Variants in CALCR observed in about 807,000 individuals in gnomAD.
The protein encoded by CALCR is calcitonin receptor.
CALCR carries 47 observed loss-of-function variants against 59.5 expected under a neutral mutation model. The observed-to-expected ratio is 0.79, with a 90% CI of 0.63 to 1.01. The LOEUF is 1.01. CALCR is among the 50% of genes least tolerant of loss of function. The probability of loss-of-function intolerance (pLI) is 0.00; values close to 1 mark genes in which losing one functional copy is unlikely to be tolerated. For synonymous variants in CALCR, 213 were observed against 211.3 expected (o/e 1.01, Z -0.07); for missense variants, 566 against 597.1 (o/e 0.95, Z 0.54).
intron 2 of CALCR, among the ~76,000 whole-genome samples, chr7:93,518,206 A>G (rs74381174): frequency 0.027 from 4,134 of 151,778 alleles, 207 homozygotes; most frequent in African/African-American, 0.095. Context: ...ATTTATTTAC[A>G]AGACCACACA....
At chr7:93,560,856 A>G (rs188723913) in intron 2 of CALCR, among the ~76,000 whole-genome samples, 1 of 152,256 alleles carries the variant, frequency 6.6e-6, no homozygotes, top group East Asian at 1.9e-4. Flanking sequence ...TCAAGCTCCA[A>G]CTTCATCACT....
chr7:93,568,852 A>G (rs564066506), intron 2 of CALCR, among the ~76,000 whole-genome samples: 10 of 152,184 alleles, frequency 6.6e-5, no homozygotes, highest in Admixed American at 3.9e-4. Flanking sequence ...TCTACTTAAC[A>G]TCATCACATG....
At chr7:93,537,100 T>C (rs954823114) in intron 2 of CALCR, among the ~76,000 whole-genome samples, 1 of 151,762 alleles carries the variant, frequency 6.6e-6, no homozygotes. Context: ...CTTGAAATTC[T>C]ATGAAAACAA....
intron 2 of CALCR, among the ~76,000 whole-genome samples, chr7:93,516,572 C>A (rs761279217): frequency 6.6e-5 from 10 of 151,612 alleles, no homozygotes; most frequent in Non-Finnish European, 1.5e-4. Context: ...TAAACATATC[C>A]TAGAATAAAA....
At chr7:93,495,777 T>G in intron 2 of CALCR, 1 of 827,572 alleles carries the variant, frequency 1.2e-6, no homozygotes, top group Non-Finnish European at 1.9e-6. Flanking sequence ...CAGATCAATG[T>G]GGAGCCTAAA....
chr7:93,518,734 T>C (rs1252416150), intron 2 of CALCR, among the ~76,000 whole-genome samples: 3 of 151,940 alleles, frequency 2.0e-5, no homozygotes, highest in South Asian at 2.1e-4. Context: ...ATTATGTAAC[T>C]ATTAAAAAGA....
intron 2 of CALCR, among the ~76,000 whole-genome samples, chr7:93,565,513 A>G (rs1789844409): frequency 6.6e-6 from 1 of 152,178 alleles, no homozygotes; most frequent in South Asian, 2.1e-4. Flanking sequence ...AAGAATATAT[A>G]TTTTCCTCAT....
chr7:93,510,922 A>G (rs914684596), intron 2 of CALCR, among the ~76,000 whole-genome samples: 7 of 151,992 alleles, frequency 4.6e-5, no homozygotes, highest in Non-Finnish European at 8.8e-5. Flanking sequence ...ATGAGATTCT[A>G]TTTGAAGAAT....
intron 9 of CALCR, 120 bp downstream of exon 9, chr7:93,443,484 C>T: frequency 1.1e-6 from 1 of 901,316 alleles, no homozygotes; most frequent in Non-Finnish European, 1.7e-6. Context: ...ACCTGTGTTC[C>T]ATCATTCCTT....
In CALCR at chr7:93,567,658, G is replaced by A. The variant is rs569222996; in HGVS notation, c.-27+6631C>T. ...GTTGGTTTGCTGCACTCATCAACTC[G>A]TCATTTACATTAGGTATTTCTTCTG... On this transcript the variant is annotated intron_variant, in intron 2 of 13. Transcript: ENST00000426151. Among the ~76,000 whole-genome samples, 13 of 152,030 alleles carry A rather than the reference G, an allele frequency of 8.6e-5. 1 individual carries two copies. Among genetic ancestry groups the A allele is most frequent in the African/African-American group, 1.4e-4 (6 of 41,474 alleles).
chr7:93,426,303 T>C lies in CALCR; in HGVS notation c.*53A>G. On this transcript the variant is annotated 3_prime_UTR_variant, in exon 14 of 14. Transcript: ENST00000426151. ...TGGAGAATACTTTAAATGCATGGTC[T>C]TTCTCCCAGGAAATGATGGCTCAGT... 2 of 1,006,840 alleles carry C rather than the reference T, an allele frequency of 2.0e-6. No homozygotes were observed. The highest frequency in any genetic ancestry group is 3.2e-6 in the Non-Finnish European group (2 of 629,120). The allele number at this position is 1,006,840 out of a possible 1,614,324, so 62.4% of individuals were successfully genotyped here.
At chr7:93,459,514 C>T (rs1159796122) in intron 8 of CALCR, among the ~76,000 whole-genome samples, 2 of 152,134 alleles carry the variant, frequency 1.3e-5, no homozygotes, top group Non-Finnish European at 2.9e-5. Flanking sequence ...AGGTGCTCCT[C>T]CTCTGTCCTC....
chr7:93,494,726 G>A (rs1011600379), intron 2 of CALCR, among the ~76,000 whole-genome samples: 2 of 151,360 alleles, frequency 1.3e-5, no homozygotes, highest in African/African-American at 4.8e-5. Flanking sequence ...GAGGAGGGGA[G>A]AAGAAAACAT....
intron 13 of CALCR, 45 bp downstream of exon 13, chr7:93,434,208 C>T (rs1358483994): frequency 6.4e-6 from 9 of 1,409,336 alleles, no homozygotes; most frequent in South Asian, 1.2e-5. Context: ...AAAAATGCTG[C>T]CTTTACACAA....
intron 2 of CALCR, among the ~76,000 whole-genome samples, chr7:93,564,082 T>C (rs1280328406): frequency 6.6e-6 from 1 of 152,232 alleles, no homozygotes; most frequent in African/African-American, 2.4e-5. Flanking sequence ...TTTCACAACC[T>C]ACTTTTTTTT....
intron 2 of CALCR, among the ~76,000 whole-genome samples, chr7:93,512,272 T>C (rs1284117776): frequency 1.3e-5 from 2 of 152,158 alleles, no homozygotes; most frequent in Non-Finnish European, 1.5e-5. Context: ...ATAACAGCCC[T>C]GTATGGTACG....
rs377320130 is a variant in CALCR, at chr7:93,426,433, C to A, written c.1348G>T (p.Glu450Ter). ...TCCTCGCCTTGGTTGTTGGCTGGTT[C>A]ATTCCTCAGCTCCTGATGGCAGATG... ...IYICHQELRNEPANNQGEESA... is the reference protein window; with the variant it reads ...IYICHQELRN Residue 450 changes from glutamate (E) to a stop codon, truncating the protein, a stop_gained, in exon 14 of 14, where the codon GAA becomes TAA. Transcript: ENST00000426151. LOFTEE classifies it high-confidence loss of function. 1 of 1,613,820 alleles carries A rather than the reference C, an allele frequency of 6.2e-7. No homozygotes were observed. The highest frequency in any genetic ancestry group is 1.3e-5 in the African/African-American group (1 of 74,910).
At chr7:93,438,296 C>A (rs749614280) in intron 9 of CALCR, 26 bp from the exon 10 acceptor site, 21 of 1,584,148 alleles carry the variant, frequency 1.3e-5, no homozygotes, top group Admixed American at 3.3e-5. Context: ...GTACAAATCA[C>A]ACTTGGTTTC....
chr7:93,548,595 G>A (rs1054207488), intron 2 of CALCR, among the ~76,000 whole-genome samples: 1 of 151,706 alleles, frequency 6.6e-6, no homozygotes, highest in African/African-American at 2.4e-5. Flanking sequence ...TAGAAGTGAG[G>A]GTGATAGTTG....
Sources: allele counts gnomAD v4.1 joint callset (sites outside exome capture counted in the v4.1 genomes callset), GRCh38; gene constraint gnomAD v4.1.1; transcripts MANE v1.5; gene names NCBI Gene and HGNC (gene_info 2026-07-23, HGNC 2026-07-21).